The following RAB2A variants were observed in gnomAD, a reference collection of about 807,000 sequenced individuals.
RAB2A encodes the protein RAB2A, member RAS oncogene family, also known as ras-related protein Rab-2A.
Under a neutral mutation model 32.5 loss-of-function variants are expected in RAB2A, and 7 were observed. The observed-to-expected ratio is 0.22, with a 90% CI of 0.12 to 0.40. The LOEUF (loss-of-function observed/expected upper bound fraction) is 0.40, where lower values mean the gene tolerates loss of function less well. Ranked by LOEUF, RAB2A falls within the 10% of genes least tolerant of loss-of-function variation. RAB2A has a pLI of 1.00. For missense variants in RAB2A, 108 were observed against 260.7 expected (o/e 0.41, Z 4.03); for synonymous variants, 79 against 85.2 (o/e 0.93, Z 0.40).
At chr8:60,603,198 T>C (rs1247335970) in intron 6 of RAB2A, among the ~76,000 whole-genome samples, 4 of 152,238 alleles carry the variant, frequency 2.6e-5, no homozygotes, top group African/African-American at 9.6e-5. Flanking sequence ...TAAAAGATTT[T>C]TTAGACTATT....
At chr8:60,524,965 A>G (rs925901940) in intron 1 of RAB2A, among the ~76,000 whole-genome samples, 1 of 152,234 alleles carries the variant, frequency 6.6e-6, no homozygotes, top group Non-Finnish European at 1.5e-5. Context: ...GCAGATTCTC[A>G]TGAGTAATCC....
chr8:60,522,429 GAGT>G (rs1807315585), intron 1 of RAB2A, among the ~76,000 whole-genome samples: 1 of 152,194 alleles, frequency 6.6e-6, no homozygotes, highest in African/African-American at 2.4e-5. Context: ...CTGGGGAGGA[GAGT>G]AGAATTATAT....
rs1008861291 is a variant in RAB2A, at chr8:60,526,196, C to G, written c.46+8943C>G. ...GGTTTCAACAGGACTGGGTTCCCTTCTAGCTCATTCAGCTACCTGGCTCAT... is the reference window on the plus strand; with the variant it reads ...GGTTTCAACAGGACTGGGTTCCCTTGTAGCTCATTCAGCTACCTGGCTCAT... On this transcript the variant is annotated intron_variant, in intron 1 of 7. Transcript: ENST00000262646. Among the ~76,000 whole-genome samples the G allele has an allele frequency of 5.9e-5, 9 of 152,052 alleles. No homozygotes were observed. In the East Asian group the frequency reaches 1.7e-3, roughly 29 times the overall value.
At chr8:60,590,023 G>A (rs1451443283) in intron 5 of RAB2A, among the ~76,000 whole-genome samples, 5 of 151,504 alleles carry the variant, frequency 3.3e-5, no homozygotes, top group East Asian at 1.9e-4. Context: ...GTGCAGTGGC[G>A]CGATCTCTGC....
intron 2 of RAB2A, among the ~76,000 whole-genome samples, chr8:60,566,249 G>C (rs889277238): frequency 6.6e-6 from 1 of 152,114 alleles, no homozygotes; most frequent in Non-Finnish European, 1.5e-5. Flanking sequence ...ATCAAAGTGC[G>C]CATTCCTCCT....
chr8:60,524,270 C>T (rs1807345584), intron 1 of RAB2A, among the ~76,000 whole-genome samples: 1 of 152,142 alleles, frequency 6.6e-6, no homozygotes, highest in Non-Finnish European at 1.5e-5. Context: ...TTCTTCAGCT[C>T]TCCTCCTCTT....
At chr8:60,565,882 T>G (rs1435136955) in intron 2 of RAB2A, among the ~76,000 whole-genome samples, 1 of 151,702 alleles carries the variant, frequency 6.6e-6, no homozygotes, top group Non-Finnish European at 1.5e-5. Context: ...GGATAATTTT[T>G]TGTGTTTCTT....
chr8:60,522,587 G>A (rs1807317954), intron 1 of RAB2A, among the ~76,000 whole-genome samples: 1 of 152,148 alleles, frequency 6.6e-6, no homozygotes, highest in East Asian at 1.9e-4. Context: ...TTATTGGGAA[G>A]TTACAAGTAG....
intron 1 of RAB2A, chr8:60,553,171 GA>G (rs1807882948): frequency 6.6e-6 from 1 of 152,214 alleles, no homozygotes; most frequent in Admixed American, 6.5e-5. Context: ...TGATTAGATA[GA>G]TAGAGATGGG....
intron 1 of RAB2A, chr8:60,552,468 A>T (rs1469623238): frequency 6.6e-6 from 1 of 152,164 alleles, no homozygotes; most frequent in East Asian, 1.9e-4. Context: ...ATAGGGAAAA[A>T]AATTCTCTAT....
chr8:60,607,375 G>C (rs1283243578), intron 6 of RAB2A, among the ~76,000 whole-genome samples: 1 of 143,592 alleles, frequency 7.0e-6, no homozygotes, highest in African/African-American at 2.6e-5. Context: ...CTTGCAGTGA[G>C]CCGAGATCGC....
intron 1 of RAB2A, among the ~76,000 whole-genome samples, chr8:60,555,734 G>T (rs1586080253): frequency 2.6e-5 from 4 of 152,242 alleles, no homozygotes; most frequent in African/African-American, 9.6e-5. Flanking sequence ...AGAGAAAAGA[G>T]AATTCTTATA....
At chr8:60,556,568 G>A (rs1807941765) in intron 1 of RAB2A, among the ~76,000 whole-genome samples, 1 of 150,458 alleles carries the variant, frequency 6.6e-6, no homozygotes. Context: ...GAGAGGCTAA[G>A]GTGGTAGGAT....
At chr8:60,556,293 G>A (rs1288179494) in intron 1 of RAB2A, among the ~76,000 whole-genome samples, 9 of 152,192 alleles carry the variant, frequency 5.9e-5, no homozygotes, top group Middle Eastern at 3.4e-3. Flanking sequence ...CTGTTCTATA[G>A]TACTATAGGG....
At chr8:60,549,197 G>T (rs1459911357) in intron 1 of RAB2A, among the ~76,000 whole-genome samples, 7 of 151,906 alleles carry the variant, frequency 4.6e-5, no homozygotes, top group Non-Finnish European at 5.9e-5. Flanking sequence ...CCCAGACGAT[G>T]GGCGGCCAGG....
At chr8:60,606,749 C>A (rs1804237973) in intron 6 of RAB2A, among the ~76,000 whole-genome samples, 1 of 152,200 alleles carries the variant, frequency 6.6e-6, no homozygotes, top group African/African-American at 2.4e-5. Context: ...AACAGTTGCC[C>A]AAGCTATACC....
chr8:60,532,130 CT>C (rs1368489209), intron 1 of RAB2A, among the ~76,000 whole-genome samples: 7 of 152,054 alleles, frequency 4.6e-5, no homozygotes, highest in South Asian at 2.1e-4. Context: ...TACACTCACT[CT>C]TAGTATTTTG....
chr8:60,598,092 G>A (rs1037747929), intron 6 of RAB2A, among the ~76,000 whole-genome samples: 4 of 152,170 alleles, frequency 2.6e-5, no homozygotes, highest in African/African-American at 9.7e-5. Flanking sequence ...CGGCTACTCG[G>A]GAGGCTAAGG....
In RAB2A at chr8:60,614,419, G is replaced by A. The variant is rs531542490; in HGVS notation, c.475-4161G>A. ...ACAGAAGTTCTGAATATGTGGCAAC[G>A]ATTTTTTTCTTAATAGAGACAGGGG... On this transcript the variant is annotated intron_variant, in intron 6 of 7. Transcript: ENST00000262646. 6.6e-5 allele frequency among the ~76,000 whole-genome samples: 10 copies of A among 152,004 alleles called. No individual in the cohort carries two copies. The South Asian group carries it at 1.5e-3, about 22-fold the overall frequency.
Sources: gnomAD v4.1 joint callset for allele counts (sites outside exome capture counted in the v4.1 genomes callset) on GRCh38, gnomAD v4.1.1 for gene constraint, MANE v1.5 for transcripts, NCBI Gene and HGNC (gene_info 2026-07-23, HGNC 2026-07-21) for gene names.